The following RAPGEF3 variants were observed in gnomAD, a reference collection of about 807,000 sequenced individuals.
RAPGEF3 encodes the protein 9330170P05Rik.
RAPGEF3 carries 103 observed loss-of-function variants against 129.8 expected under a neutral mutation model. The ratio of observed to expected loss-of-function variants is 0.79; its 90% CI spans 0.68 to 0.93. The LOEUF is 0.93. RAPGEF3 is among the 40% of genes least tolerant of loss of function. RAPGEF3 has a pLI of 0.00. For missense variants in RAPGEF3, 1,117 were observed against 1,207.4 expected, an observed-to-expected ratio of 0.93 and a Z score of 1.11; for synonymous variants, 436 against 482.6, an observed-to-expected ratio of 0.90 and a Z score of 1.26.
rs1941643857 is a variant in RAPGEF3 at position 47,749,873 on chromosome 12, ATCCT to A, written c.817+53_817+56del. On this transcript the variant is annotated intron_variant, in intron 8 of 27. Transcript: ENST00000449771. The surrounding 1 kb of genome is among the most constrained non-coding windows in gnomAD (Gnocchi z 4.5). Reference sequence around the variant, plus strand: ...CCTGGCACCTACCATTCCTTCACACATCCTTCTGCCCATGTCCAGGCCCTGTGCC... The same window carrying A: ...CCTGGCACCTACCATTCCTTCACACATCTGCCCATGTCCAGGCCCTGTGCC... 6.2e-7 allele frequency: 1 copy of A among 1,613,604 alleles called. No homozygotes were observed.
intron 24 of RAPGEF3, 106 bp downstream of exon 24, chr12:47,739,037 G>A (rs575744765): frequency 2.0e-6 from 2 of 1,013,270 alleles, no homozygotes; most frequent in South Asian, 3.0e-5. Context: ...CAGAGTGGGT[G>A]CACACACAGA....
chr12:47,757,610 C>T (rs1225914580), intron 2 of RAPGEF3, among the ~76,000 whole-genome samples: 2 of 152,172 alleles, frequency 1.3e-5, no homozygotes, highest in Non-Finnish European at 2.9e-5. Context: ...AGATAAACAA[C>T]AAATCCCTTT....
In RAPGEF3 at chr12:47,737,919, C is replaced by T. The variant is rs921646532; in HGVS notation, c.2653+103G>A. On this transcript the variant is annotated intron_variant, in intron 27 of 27. Coordinates refer to ENST00000449771, the MANE Select transcript of RAPGEF3 (RefSeq NM_001098531.4). The stretch of plus-strand genomic sequence containing the variant: ...TTATCAACATCATGTATGGAAGGGC[C>T]GGGCTCCGTGCCTGGCACATGGCAA... 28 of 1,415,572 alleles carry T rather than the reference C, an allele frequency of 2.0e-5. No homozygotes were observed. In the Admixed American group the frequency reaches 4.1e-4, roughly 21 times the overall value. 87.7% of individuals were successfully genotyped at this position (1,415,572 alleles called of 1,614,324 possible). A position where few individuals can be genotyped will look rare whatever the true frequency, so the allele number is the denominator to read the frequency against.
In RAPGEF3 at chr12:47,746,847, G is replaced by T. The variant is rs373675371; in HGVS notation, c.1596+13C>A. 5.7e-6 allele frequency: 9 copies of T among 1,588,696 alleles called. No homozygotes were observed. The African/African-American group carries it at 9.5e-5, about 17-fold the overall frequency. ...GGAGGAGCAGAGGAAAGAAACTGGGGCCAGGCAGACACCTTCATCTGAGGA... is the reference window on the plus strand; with the variant it reads ...GGAGGAGCAGAGGAAAGAAACTGGGTCCAGGCAGACACCTTCATCTGAGGA... On this transcript the variant is annotated intron_variant, in intron 16 of 27. Transcript: ENST00000449771.
chr12:47,745,657 G>A (rs1369857396), intron 16 of RAPGEF3: 2 of 152,014 alleles, frequency 1.3e-5, no homozygotes, highest in Non-Finnish European at 2.9e-5. Context: ...CCGTTTTCAG[G>A]AGCGGACTAC....
Position 47,749,681 on chromosome 12 carries a change from A to T in RAPGEF3, c.894+60T>A. On this transcript the variant is annotated intron_variant, in intron 9 of 27. Transcript: ENST00000449771. This position sits in a 1 kb window ranked among gnomAD's most constrained non-coding sequence, Gnocchi z 4.5. ...ATCAACAAAGGCACTGCCCATGAGG[A>T]CATGGACCAGGGAGCAGTTAGGACC... is the stretch of plus-strand genomic sequence containing the variant. The T allele has an allele frequency of 1.9e-6, 3 of 1,599,664 alleles. No homozygotes were observed. The highest frequency in any genetic ancestry group is 2.6e-6 in the Non-Finnish European group (3 of 1,168,142).
chr12:47,746,302 G>T (rs183347705), intron 16 of RAPGEF3: 1 of 298,216 alleles, frequency 3.4e-6, no homozygotes, highest in Non-Finnish European at 6.3e-6. Flanking sequence ...GGATGGTGAG[G>T]CCCCTGGATT....
At chr12:47,744,171 C>A in intron 16 of RAPGEF3, 103 bp from the exon 17 acceptor site, 1 of 898,720 alleles carries the variant, frequency 1.1e-6, no homozygotes, top group Non-Finnish European at 1.7e-6. Flanking sequence ...ACGGGCGCCA[C>A]ACAGCATTCA....
chr12:47,750,099 G>A, intron 7 of RAPGEF3, 109 bp from the exon 8 acceptor site: 1 of 1,330,140 alleles, frequency 7.5e-7, no homozygotes, highest in Admixed American at 1.7e-5. Flanking sequence ...GGGGGACAAA[G>A]ATGTGGCCAG....
At chr12:47,739,022 T>A in intron 24 of RAPGEF3, 121 bp downstream of exon 24, 1 of 903,498 alleles carries the variant, frequency 1.1e-6, no homozygotes, top group Non-Finnish European at 1.7e-6. Flanking sequence ...GTATAATCTC[T>A]CCAACAGAGT....
chr12:47,758,389 T>C (rs1327797447), intron 1 of RAPGEF3, 162 bp downstream of exon 1: 12 of 1,519,084 alleles, frequency 7.9e-6, no homozygotes, highest in African/African-American at 1.4e-5. Flanking sequence ...TATGAAGCTA[T>C]AGATTCACTA....
At chr12:47,756,301 C>G (rs1389984904) in intron 2 of RAPGEF3, 1 of 152,222 alleles carries the variant, frequency 6.6e-6, no homozygotes, top group Non-Finnish European at 1.5e-5. Flanking sequence ...TACCCCCTAC[C>G]TTGCTTCCAC....
Position 47,750,440 on chromosome 12 carries a change from G to A in RAPGEF3, c.672-15C>T, listed in dbSNP as rs563769593. On this transcript the variant is annotated splice_polypyrimidine_tract_variant and intron_variant, in intron 6 of 27. Coordinates refer to ENST00000449771, the MANE Select transcript of RAPGEF3 (RefSeq NM_001098531.4). Reference sequence around the variant, plus strand: ...GCTGACCTGGGCTGCAGGGACAGGAGGAATGGGAGCACACTGTGAACTGTG... The same window carrying A: ...GCTGACCTGGGCTGCAGGGACAGGAAGAATGGGAGCACACTGTGAACTGTG... The A allele has an allele frequency of 1.4e-5, 23 of 1,608,926 alleles. No individual in the cohort carries two copies. The South Asian group carries it at 2.2e-4, about 15-fold the overall frequency.
chr12:47,738,503 C>T (rs528034288), intron 25 of RAPGEF3, among the ~76,000 whole-genome samples, 187 bp downstream of exon 25: 4 of 152,298 alleles, frequency 2.6e-5, no homozygotes, highest in South Asian at 4.1e-4. Flanking sequence ...AATGGTGAGA[C>T]GTCTGAGGCT....
intron 27 of RAPGEF3, 23 bp downstream of exon 27, chr12:47,737,999 A>ACCCAAGCCC: frequency 1.4e-6 from 1 of 736,452 alleles, no homozygotes; most frequent in Non-Finnish European, 2.3e-6. Flanking sequence ...CTCCCTGCCC[A>ACCCAAGCCC]CCCACCATCG....
At chr12:47,738,295 G>A in intron 25 of RAPGEF3, 48 bp from the exon 26 acceptor site, 7 of 1,605,466 alleles carry the variant, frequency 4.4e-6, no homozygotes, top group Non-Finnish European at 6.0e-6. Flanking sequence ...GAGAAACCCT[G>A]TCCTGCCCTG....
In RAPGEF3 at chr12:47,750,543, T is replaced by G. The variant is rs138593980; in HGVS notation, c.672-118A>C. ...GACGGTGCCTCAGCAGTGACAGTTA[T>G]CAGCAGCAGCTAACCTTTACTGAGT... On this transcript the variant is annotated intron_variant, in intron 6 of 27. Coordinates refer to ENST00000449771, the MANE Select transcript of RAPGEF3 (RefSeq NM_001098531.4). 3.2e-4 allele frequency: 271 copies of G among 851,274 alleles called. 2 individuals are homozygous for G. The highest frequency in any genetic ancestry group is 1.4e-3 in the South Asian group (84 of 61,402). 52.7% of individuals were successfully genotyped at this position (851,274 alleles called of 1,614,324 possible). A position where few individuals can be genotyped will look rare whatever the true frequency, so the allele number is the denominator to read the frequency against.
intron 23 of RAPGEF3, chr12:47,739,573 C>T (rs149425926): frequency 2.7e-5 from 13 of 481,644 alleles, no homozygotes; most frequent in Admixed American, 2.0e-4. Context: ...TTGAGCCCCA[C>T]GAGGTGGATT....
Position 47,758,003 on chromosome 12 carries a change from C to G in RAPGEF3, c.82G>C (p.Val28Leu). Residue 28 changes from valine to leucine, a missense_variant, in exon 2 of 28, where the codon GTG becomes CTG. Physicochemically the swap from Val to Leu is conservative, Grantham distance 32 (BLOSUM62 1). Coordinates refer to ENST00000449771, the MANE Select transcript of RAPGEF3 (RefSeq NM_001098531.4). ...GGCACCACGTCAGGGAGGGCTCCCA[C>G]CCGCGGTGCTCCCAGAGCTGGGCTA... ...EDSPALGAPR[V>L]GALPDVVPEG... 6.4e-7 allele frequency: 1 copy of G among 1,574,418 alleles called. No homozygotes were observed. The highest frequency in any genetic ancestry group is 8.6e-7 in the Non-Finnish European group (1 of 1,159,692).
Sources: gnomAD v4.1 joint callset for allele counts (sites outside exome capture counted in the v4.1 genomes callset) on GRCh38, gnomAD v4.1.1 for gene constraint, Gnocchi (gnomAD v3.1) non-coding constraint, MANE v1.5 for transcripts, NCBI Gene and HGNC (gene_info 2026-07-23, HGNC 2026-07-21) for gene names.